The following IWS1 variants were observed in gnomAD, a reference collection of about 807,000 sequenced individuals.
The protein encoded by IWS1 is interacts with SUPT6H, CTD assembly factor 1.
Under a neutral mutation model 86.7 loss-of-function variants are expected in IWS1, and 27 were observed. That is an observed-to-expected ratio of 0.31 (90% confidence interval 0.23 to 0.43). The LOEUF (loss-of-function observed/expected upper bound fraction) is 0.43. Among genes scored for constraint, IWS1 ranks in the 20% least tolerant of loss-of-function variants. The pLI is 1.00. For missense variants in IWS1, 827 were observed against 1,000.8 expected, an observed-to-expected ratio of 0.83 and a Z score of 2.34; for synonymous variants, 313 against 335.1, an observed-to-expected ratio of 0.93 and a Z score of 0.72.
chr2:127,489,626 GA>G lies in IWS1; in HGVS notation c.2159+205del. On this transcript the variant is annotated intron_variant, in intron 11 of 13. Coordinates refer to ENST00000295321, the MANE Select transcript of IWS1 (RefSeq NM_017969.3). The surrounding 1 kb of genome is among the most constrained non-coding windows in gnomAD (Gnocchi z 4.8). ...GAAACAGGCCCTGTTCCAACAAACT[GA>G]CCCAGAAAGGTCTGGTTAGGAGGAC... 1 of 552,110 alleles carries G rather than the reference GA, an allele frequency of 1.8e-6. No individual in the cohort carries two copies. Among genetic ancestry groups the G allele is most frequent in the Non-Finnish European group, 3.2e-6 (1 of 312,788 alleles). 34.2% of individuals were successfully genotyped at this position (552,110 alleles called of 1,614,324 possible).
At chr2:127,483,463 TA>T (rs11451463) in intron 13 of IWS1, among the ~76,000 whole-genome samples, 21 of 140,662 alleles carry the variant, frequency 1.5e-4, no homozygotes, top group South Asian at 2.2e-4. Context: ...AAATACATAA[TA>T]AAAAAAAAAG....
intron 5 of IWS1, 114 bp downstream of exon 5, chr2:127,502,701 A>C: frequency 1.9e-6 from 1 of 533,624 alleles, no homozygotes; most frequent in South Asian, 2.9e-5. Context: ...TTTATCTTGA[A>C]TACATCATAA....
At position 127,480,999 on chromosome 2, in the gene IWS1, T is replaced by C. The variant is rs149932920; in HGVS notation, c.*45A>G. The C allele has an allele frequency of 4.0e-4, 635 of 1,569,290 alleles. No homozygotes were observed. The highest frequency in any genetic ancestry group is 4.0e-3 in the Middle Eastern group (23 of 5,818). ...ATATCTTCTTTCTCCAAAGAGTCCA[T>C]TGCGCATTTCTTAGAGTAGAGATGG... On this transcript the variant is annotated 3_prime_UTR_variant, in exon 14 of 14. Transcript: ENST00000295321.
intron 2 of IWS1, among the ~76,000 whole-genome samples, chr2:127,515,422 C>T (rs1019701986): frequency 6.6e-6 from 1 of 152,082 alleles, no homozygotes; most frequent in Non-Finnish European, 1.5e-5. Flanking sequence ...AGGCAGGACC[C>T]GGAGGTCCTC....
intron 7 of IWS1, 55 bp downstream of exon 7, chr2:127,495,943 T>C (rs879596625): frequency 1.0e-5 from 15 of 1,469,884 alleles, no homozygotes; most frequent in Admixed American, 2.5e-5. Context: ...AAAAAGGGCA[T>C]CCAATAAACT....
intron 2 of IWS1, among the ~76,000 whole-genome samples, chr2:127,516,323 G>A (rs919932331): frequency 6.6e-6 from 1 of 151,924 alleles, no homozygotes; most frequent in Non-Finnish European, 1.5e-5. Context: ...CAGCCTGGGC[G>A]ACAGTGAGAC....
At chr2:127,503,259 A>G (rs1690912342) in intron 4 of IWS1, 128 bp downstream of exon 4, 1 of 661,722 alleles carries the variant, frequency 1.5e-6, no homozygotes, top group Non-Finnish European at 2.6e-6. Flanking sequence ...TAGTGTGTTC[A>G]GTTCAGGAAC....
intron 4 of IWS1, 55 bp downstream of exon 4, chr2:127,503,332 C>A: frequency 7.7e-7 from 1 of 1,305,620 alleles, no homozygotes; most frequent in African/African-American, 1.5e-5. Flanking sequence ...AACACAGACC[C>A]CTCTCTACTG....
At chr2:127,524,461 G>T (rs773018838) in intron 1 of IWS1, among the ~76,000 whole-genome samples, 3 of 151,298 alleles carry the variant, frequency 2.0e-5, no homozygotes, top group Non-Finnish European at 4.4e-5. Flanking sequence ...AAAGTGCTGG[G>T]ATTACACCCA....
At chr2:127,487,895 T>G (rs1028443678) in intron 12 of IWS1, 2 of 152,236 alleles carry the variant, frequency 1.3e-5, no homozygotes, top group African/African-American at 2.4e-5. Context: ...ACAGACTAAT[T>G]GGCTTGCCAA....
chr2:127,516,512 G>A (rs1691783663), intron 2 of IWS1, among the ~76,000 whole-genome samples: 1 of 152,168 alleles, frequency 6.6e-6, no homozygotes, highest in Non-Finnish European at 1.5e-5. Context: ...TGTAATCCCA[G>A]TACTGCTGAG....
Position 127,489,716 on chromosome 2 carries a change from C to A in IWS1, c.2159+116G>T. 1 of 724,910 alleles carries A rather than the reference C, an allele frequency of 1.4e-6. No individual in the cohort carries two copies. Among genetic ancestry groups the A allele is most frequent in the South Asian group, 1.6e-5 (1 of 62,882 alleles). The allele number at this position is 724,910 out of a possible 1,614,324, so 44.9% of individuals were successfully genotyped here. On this transcript the variant is annotated intron_variant, in intron 11 of 13. Transcript: ENST00000295321. The surrounding 1 kb of genome is among the most constrained non-coding windows in gnomAD (Gnocchi z 4.8). ...GATATTATGAATTATGTACACATAT[C>A]AAGCTGAGAGGAAAGGAAATCCTAT... is the stretch of plus-strand genomic sequence containing the variant.
intron 13 of IWS1, among the ~76,000 whole-genome samples, chr2:127,483,571 C>CGGGGGGGGGGGGGGGG (rs1419283644): frequency 6.0e-4 from 12 of 20,164 alleles, no homozygotes; most frequent in Non-Finnish European, 7.5e-4. Context: ...ATAATTTGGT[C>CGGGGGGGGGGGGGGGG]GGGGCGGGGG....
intron 10 of IWS1, among the ~76,000 whole-genome samples, chr2:127,491,743 C>T (rs11896788): frequency 2.9e-4 from 44 of 152,208 alleles, no homozygotes; most frequent in African/African-American, 9.9e-4. Context: ...CACACCCAGC[C>T]TCTTACTTGC....
In IWS1 at chr2:127,504,947, T is replaced by C. The variant is rs1393358851; in HGVS notation, c.956A>G (p.Asp319Gly). The stretch of plus-strand genomic sequence containing the variant: ...TGGCTTCTGTTTGTGTCTGGACGCA[T>C]CCTCAGTTTCTGAGTCACTGGCAGG... ...KGPASDSETE[D>G]ASRHKQKPES... is the part of the protein sequence containing the mutation. Residue 319 changes from aspartate (D) to glycine (G), a missense_variant, in exon 3 of 14, where the codon GAT becomes GGT. This residue lies in a region of IWS1 where 548 missense variants were observed against 560.2 expected (regional missense o/e 0.98). Transcript: ENST00000295321. 1 of 1,614,070 alleles carries C rather than the reference T, an allele frequency of 6.2e-7. No homozygotes were observed. Among genetic ancestry groups the C allele is most frequent in the African/African-American group, 1.3e-5 (1 of 74,928 alleles).
Position 127,499,839 on chromosome 2 carries a change from GACAA to G in IWS1, c.1468-1606_1468-1603del, listed in dbSNP as rs1690710054. On this transcript the variant is annotated intron_variant, in intron 5 of 13. Coordinates refer to ENST00000295321, the MANE Select transcript of IWS1 (RefSeq NM_017969.3). This position sits in a 1 kb window ranked among gnomAD's most constrained non-coding sequence, Gnocchi z 4.0. ...AAATATATACAGACACTTGATATAT[GACAA>G]AGATGGCACTACAGAATAGTAGGAA... Among the ~76,000 whole-genome samples, 1 of 151,936 alleles carries G rather than the reference GACAA, an allele frequency of 6.6e-6. No individual in the cohort carries two copies. Among genetic ancestry groups the G allele is most frequent in the Non-Finnish European group, 1.5e-5 (1 of 67,984 alleles).
chr2:127,513,988 G>A (rs1414989999), intron 2 of IWS1, among the ~76,000 whole-genome samples: 3 of 152,222 alleles, frequency 2.0e-5, no homozygotes, highest in Non-Finnish European at 4.4e-5. Context: ...CTTAAACCCT[G>A]AAAACTGAGC....
chr2:127,513,588 T>A (rs1349081581), intron 2 of IWS1, among the ~76,000 whole-genome samples: 1 of 152,254 alleles, frequency 6.6e-6, no homozygotes, highest in Non-Finnish European at 1.5e-5. Flanking sequence ...AAGAAAGGTT[T>A]ATCTTTATTC....
chr2:127,526,226 C>A lies in IWS1; in HGVS notation c.-18G>T, dbSNP rs1410484958. 2 of 1,560,666 alleles carry A rather than the reference C, an allele frequency of 1.3e-6. No individual in the cohort carries two copies. Among genetic ancestry groups the A allele is most frequent in the Non-Finnish European group, 1.7e-6 (2 of 1,154,308 alleles). On this transcript the variant is annotated 5_prime_UTR_variant, in exon 1 of 14. Transcript: ENST00000295321. ...GAGTCCATGGCAGGCGGACTCTCAG[C>A]GGGGAGTGTCCGCGCCCCGCGCCGC...
Sources: gnomAD v4.1 joint callset for allele counts (sites outside exome capture counted in the v4.1 genomes callset) on GRCh38, gnomAD v4.1.1 for gene constraint, gnomAD v4.1.1 regional missense constraint, Gnocchi (gnomAD v3.1) non-coding constraint, MANE v1.5 for transcripts, NCBI Gene and HGNC (gene_info 2026-07-23, HGNC 2026-07-21) for gene names.